The following SPOCK3 variants were observed in gnomAD, a reference collection of about 807,000 sequenced individuals.
SPOCK3 encodes the protein SPARC (osteonectin), cwcv and kazal like domains proteoglycan 3.
In SPOCK3, 30 loss-of-function variants were observed where a neutral mutation model predicts 56.6. That is an observed-to-expected ratio of 0.53 (90% CI 0.40 to 0.72). The LOEUF is 0.72. SPOCK3 is among the 30% of genes least tolerant of loss of function. SPOCK3 has a pLI of 0.00. For synonymous variants in SPOCK3, 196 were observed against 183.3 expected (o/e 1.07, Z -0.56); for missense variants, 527 against 530.0 (o/e 0.99, Z 0.06).
At chr4:167,219,199 G>A (rs561670525) in intron 2 of SPOCK3, among the ~76,000 whole-genome samples, 1 of 152,282 alleles carries the variant, frequency 6.6e-6, no homozygotes, top group East Asian at 1.9e-4. Flanking sequence ...GGGCACCTCA[G>A]GCAGCCTTAC....
rs1288558892 is a variant in SPOCK3, at chr4:166,748,456, C to T, written c.931+6052G>A. On this transcript the variant is annotated intron_variant, in intron 8 of 10. Transcript: ENST00000357545. ...ATATGTACAAAGCTGAAACTGGATG[C>T]CTTCCTTACATCATATACAAAAGTT... Among the ~76,000 whole-genome samples, 6 of 136,886 alleles carry T rather than the reference C, an allele frequency of 4.4e-5. 2 individuals carry two copies. Among genetic ancestry groups the T allele is most frequent in the Admixed American group, 4.2e-4 (6 of 14,324 alleles). The allele number at this position is 136,886 out of a possible 152,430, so 89.8% of individuals were successfully genotyped here. A position where few individuals can be genotyped will look rare whatever the true frequency, so the allele number is the denominator to read the frequency against.
At chr4:167,082,823 A>C in intron 2 of SPOCK3, among the ~76,000 whole-genome samples, 1 of 143,362 alleles carries the variant, frequency 7.0e-6, no homozygotes, top group Non-Finnish European at 1.5e-5. Context: ...GAGGGAGGGA[A>C]GACAGAGGGA....
intron 2 of SPOCK3, among the ~76,000 whole-genome samples, chr4:167,110,512 G>T (rs918141060): frequency 2.0e-5 from 3 of 151,900 alleles, no homozygotes; most frequent in African/African-American, 7.3e-5. Flanking sequence ...AGTGTCAGGG[G>T]TGATAAATTA....
intron 2 of SPOCK3, among the ~76,000 whole-genome samples, chr4:167,129,476 C>T (rs1367299291): frequency 6.6e-6 from 1 of 152,200 alleles, no homozygotes; most frequent in Non-Finnish European, 1.5e-5. Flanking sequence ...TCTATTTCAT[C>T]TGTTTCATCC....
chr4:166,947,059 C>T lies in SPOCK3; in HGVS notation c.351-34316G>A, dbSNP rs990109607. 7.2e-5 allele frequency among the ~76,000 whole-genome samples: 11 copies of T among 152,158 alleles called. No individual in the cohort carries two copies. In the East Asian group the frequency reaches 1.2e-3, roughly 16 times the overall value. Reference sequence around the variant, plus strand: ...CATTTTACCTGATACCCTCCCATAACGACCAAATTTTAGGCACTATTTTTT... The same window carrying T: ...CATTTTACCTGATACCCTCCCATAATGACCAAATTTTAGGCACTATTTTTT... On this transcript the variant is annotated intron_variant, in intron 4 of 10. Transcript: ENST00000357545.
At chr4:166,764,652 A>C (rs1175187867) in intron 7 of SPOCK3, among the ~76,000 whole-genome samples, 1 of 152,068 alleles carries the variant, frequency 6.6e-6, no homozygotes, top group Non-Finnish European at 1.5e-5. Context: ...ATAAACATAC[A>C]TGTGCATGTG....
chr4:167,083,045 C>G (rs1260284787), intron 2 of SPOCK3, among the ~76,000 whole-genome samples: 1 of 152,040 alleles, frequency 6.6e-6, no homozygotes, highest in Non-Finnish European at 1.5e-5. Flanking sequence ...AAAGAACATT[C>G]ATTTCAGACA....
chr4:167,101,961 G>T (rs1425375000), intron 2 of SPOCK3, among the ~76,000 whole-genome samples: 4 of 151,762 alleles, frequency 2.6e-5, no homozygotes, highest in Non-Finnish European at 5.9e-5. Context: ...GGCTCCCAAA[G>T]TGCTGGGATT....
At chr4:166,972,311 T>C (rs561287045) in intron 4 of SPOCK3, among the ~76,000 whole-genome samples, 10 of 152,136 alleles carry the variant, frequency 6.6e-5, no homozygotes, top group Non-Finnish European at 1.3e-4. Context: ...GATGAAAATC[T>C]TCAATAAGAA....
At chr4:166,739,752 TA>T (rs1414994880) in intron 9 of SPOCK3, among the ~76,000 whole-genome samples, 1 of 151,830 alleles carries the variant, frequency 6.6e-6, no homozygotes, top group African/African-American at 2.4e-5. Context: ...TGGTGAAATT[TA>T]AAAAATAAAT....
At chr4:166,794,338 AC>A (rs1741676418) in intron 6 of SPOCK3, among the ~76,000 whole-genome samples, 2 of 152,224 alleles carry the variant, frequency 1.3e-5, no homozygotes, top group Admixed American at 1.3e-4. Flanking sequence ...GCACAAGAAA[AC>A]AAAAACCTAC....
At chr4:166,949,814 A>G (rs568695420) in intron 4 of SPOCK3, among the ~76,000 whole-genome samples, 2 of 152,264 alleles carry the variant, frequency 1.3e-5, no homozygotes, top group Admixed American at 6.5e-5. Context: ...TTCAACCCAG[A>G]ATTTCATATC....
intron 3 of SPOCK3, among the ~76,000 whole-genome samples, chr4:167,038,991 A>C (rs1321052414): frequency 6.6e-6 from 1 of 152,224 alleles, no homozygotes; most frequent in Admixed American, 6.5e-5. Context: ...GCTTAAAAAA[A>C]ACAGACATTT....
intron 4 of SPOCK3, among the ~76,000 whole-genome samples, chr4:166,987,656 A>G (rs1747315753): frequency 6.6e-6 from 1 of 152,220 alleles, no homozygotes; most frequent in Non-Finnish European, 1.5e-5. Flanking sequence ...CTAGACAATA[A>G]ATTTGGCAAC....
chr4:167,210,340 C>G (rs1734752649), intron 2 of SPOCK3, among the ~76,000 whole-genome samples: 1 of 152,110 alleles, frequency 6.6e-6, no homozygotes, highest in Non-Finnish European at 1.5e-5. Context: ...TCACCTCCCA[C>G]TACAGATGTA....
At chr4:167,033,545 G>T (rs1166973295) in intron 3 of SPOCK3, among the ~76,000 whole-genome samples, 1 of 151,650 alleles carries the variant, frequency 6.6e-6, no homozygotes, top group Non-Finnish European at 1.5e-5. Flanking sequence ...AATTGAATAG[G>T]CAGAAACAAA....
At chr4:167,077,410 A>T (rs930673982) in intron 2 of SPOCK3, among the ~76,000 whole-genome samples, 1 of 151,896 alleles carries the variant, frequency 6.6e-6, no homozygotes, top group South Asian at 2.1e-4. Context: ...AACTCAAGGA[A>T]ATGCACAAGA....
chr4:166,790,328 G>T (rs1357212962), intron 7 of SPOCK3, among the ~76,000 whole-genome samples: 1 of 152,038 alleles, frequency 6.6e-6, no homozygotes, highest in African/African-American at 2.4e-5. Flanking sequence ...TGATATAGGA[G>T]GTCTGGTTCA....
Position 166,737,569 on chromosome 4 carries a change from A to G in SPOCK3, c.1030T>C (p.Tyr344His), listed in dbSNP as rs752606191. 1.2e-6 allele frequency: 2 copies of G among 1,612,850 alleles called. No individual in the cohort carries two copies. The highest frequency in any genetic ancestry group is 1.7e-6 in the Non-Finnish European group (2 of 1,179,318). The change falls in exon 10 of 11, where the codon TAC (tyrosine) becomes CAC (histidine). Residue 344 changes from tyrosine to histidine, a missense_variant. Tyr to His is a moderately conservative substitution (Grantham distance 83). Transcript: ENST00000357545. ...YIPLCDEDGY[Y>H]KPTQCHGSVG... is the part of the protein sequence containing the mutation. Reference sequence around the variant, plus strand: ...CTGCCATGACATTGTGTTGGCTTGTAGTAACCATCTTCATCACACAGGGGG... The same window carrying G: ...CTGCCATGACATTGTGTTGGCTTGTGGTAACCATCTTCATCACACAGGGGG...
Sources: allele counts gnomAD v4.1 joint callset (sites outside exome capture counted in the v4.1 genomes callset), GRCh38; gene constraint gnomAD v4.1.1; transcripts MANE v1.5; gene names NCBI Gene and HGNC (gene_info 2026-07-23, HGNC 2026-07-21).